SGCZ: variants seen among roughly 807,000 people sequenced by gnomAD.
SGCZ encodes the protein zeta-sarcoglycan.
A neutral mutation model predicts 41.3 loss-of-function variants in SGCZ; 40 were observed. The ratio of observed to expected loss-of-function variants is 0.97; its 90% CI spans 0.75 to 1.26. The LOEUF is 1.26. Ranked by LOEUF, SGCZ falls within the 50% of genes most tolerant of loss-of-function variation. The probability of loss-of-function intolerance (pLI) is 0.00; values close to 1 mark genes in which losing one functional copy is unlikely to be tolerated. For missense variants in SGCZ, 552 were observed against 369.8 expected, an observed-to-expected ratio of 1.49 and a Z score of -4.04; for synonymous variants, 206 against 137.5, an observed-to-expected ratio of 1.50 and a Z score of -3.49.
intron 1 of SGCZ, among the ~76,000 whole-genome samples, chr8:15,064,308 T>C (rs1409169658): frequency 1.3e-5 from 2 of 152,130 alleles, no homozygotes; most frequent in East Asian, 3.9e-4. Context: ...GCCATATCAC[T>C]ATGAATGACA....
At chr8:14,905,587 C>T (rs995380759) in intron 1 of SGCZ, among the ~76,000 whole-genome samples, 4 of 151,978 alleles carry the variant, frequency 2.6e-5, no homozygotes, top group Non-Finnish European at 4.4e-5. Flanking sequence ...AGAGAAAAAT[C>T]TCTGCCCACA....
intron 1 of SGCZ, among the ~76,000 whole-genome samples, chr8:14,804,631 T>G (rs200157206): frequency 6.9e-5 from 10 of 145,778 alleles, no homozygotes; most frequent in Non-Finnish European, 1.5e-4. Flanking sequence ...ATGCAGAGAA[T>G]GGAACCAAGT....
intron 1 of SGCZ, among the ~76,000 whole-genome samples, chr8:14,785,588 A>C (rs2130450612): frequency 6.6e-6 from 1 of 152,176 alleles, no homozygotes. Context: ...CCATGTCCTG[A>C]CCCCAGCATG....
chr8:14,363,589 C>T (rs113800833), intron 2 of SGCZ, among the ~76,000 whole-genome samples: 3,089 of 152,090 alleles, frequency 0.02, 88 homozygotes, highest in African/African-American at 0.057. Flanking sequence ...AATGGTCTGA[C>T]ACATTGGTGC....
intron 5 of SGCZ, among the ~76,000 whole-genome samples, chr8:14,148,275 AAAAGTT>A (rs1206047955): frequency 6.6e-6 from 1 of 152,068 alleles, no homozygotes; most frequent in African/African-American, 2.4e-5. Context: ...TGGCTTTTAA[AAAAGTT>A]AAAGAAATTG....
At chr8:15,165,381 A>G (rs1365458481) in intron 1 of SGCZ, among the ~76,000 whole-genome samples, 1 of 152,170 alleles carries the variant, frequency 6.6e-6, no homozygotes. Context: ...CTTAATAAAT[A>G]AAAACAGCCC....
Position 15,148,721 on chromosome 8 carries a change from C to T in SGCZ, c.39+88864G>A, listed in dbSNP as rs117049060. 7.0e-3 allele frequency among the ~76,000 whole-genome samples: 1,072 copies of T among 152,304 alleles called. 3 individuals are homozygous for T. Among genetic ancestry groups the T allele is most frequent in the Middle Eastern group, 0.02 (6 of 294 alleles). ...GTGACACTGATACGAGTTCTCCAAG[C>T]AAGCCTGGATGCTTGACTTATAACT... On this transcript the variant is annotated intron_variant, in intron 1 of 7. Coordinates refer to ENST00000382080, the MANE Select transcript of SGCZ (RefSeq NM_139167.4).
chr8:15,226,660 G>C (rs1801784969), intron 1 of SGCZ, among the ~76,000 whole-genome samples: 1 of 152,124 alleles, frequency 6.6e-6, no homozygotes, highest in Admixed American at 6.5e-5. Flanking sequence ...CTTTAAGAGA[G>C]AATACATAAA....
intron 3 of SGCZ, among the ~76,000 whole-genome samples, chr8:14,320,522 C>T (rs924898281): frequency 2.6e-5 from 4 of 151,912 alleles, no homozygotes; most frequent in East Asian, 1.9e-4. Flanking sequence ...AAGTTTGTTA[C>T]GTATGTATAC....
At chr8:14,952,167 A>G (rs1800661518) in intron 1 of SGCZ, among the ~76,000 whole-genome samples, 1 of 152,090 alleles carries the variant, frequency 6.6e-6, no homozygotes, top group Non-Finnish European at 1.5e-5. Context: ...TTTTTTCATA[A>G]ATCCGAGTTA....
chr8:14,573,189 CTTTTTTTT>C (rs35000758), intron 1 of SGCZ, among the ~76,000 whole-genome samples: 2 of 76,490 alleles, frequency 2.6e-5, no homozygotes, highest in African/African-American at 1.1e-4. Flanking sequence ...CTTAGCAAGT[CTTTTTTTT>C]TTTTTTTTTT....
chr8:14,799,168 A>G (rs566447218), intron 1 of SGCZ, among the ~76,000 whole-genome samples: 2 of 152,252 alleles, frequency 1.3e-5, no homozygotes, highest in South Asian at 4.1e-4. Flanking sequence ...TATAACAATA[A>G]GACACTTACT....
At chr8:14,437,061 A>G (rs1053079580) in intron 2 of SGCZ, among the ~76,000 whole-genome samples, 1 of 152,180 alleles carries the variant, frequency 6.6e-6, no homozygotes, top group African/African-American at 2.4e-5. Flanking sequence ...TTTTCAAATG[A>G]GACTTTTGGT....
Position 14,132,609 on chromosome 8 carries a change from C to G in SGCZ, c.548-24374G>C, listed in dbSNP as rs564976153. On this transcript the variant is annotated intron_variant, in intron 5 of 7. Coordinates refer to ENST00000382080, the MANE Select transcript of SGCZ (RefSeq NM_139167.4). ...AGTTTTTGTCCATGTTTTTCTTTAGCTACTTGAACATATTTTAAATCGCTA... is the reference window on the plus strand; with the variant it reads ...AGTTTTTGTCCATGTTTTTCTTTAGGTACTTGAACATATTTTAAATCGCTA... Among the ~76,000 whole-genome samples, 12 of 152,222 alleles carry G rather than the reference C, an allele frequency of 7.9e-5. 1 individual carries two copies. Among genetic ancestry groups the G allele is most frequent in the African/African-American group, 2.9e-4 (12 of 41,548 alleles).
At chr8:15,066,301 C>G (rs1277031824) in intron 1 of SGCZ, among the ~76,000 whole-genome samples, 1 of 128,980 alleles carries the variant, frequency 7.8e-6, no homozygotes, top group Non-Finnish European at 1.6e-5. Flanking sequence ...GGCGACAGAG[C>G]GAGACTCCGT....
At chr8:14,434,761 T>G (rs1800040744) in intron 2 of SGCZ, among the ~76,000 whole-genome samples, 2 of 152,190 alleles carry the variant, frequency 1.3e-5, no homozygotes, top group South Asian at 4.1e-4. Context: ...TTCTTGATTC[T>G]CAGCTTGGTC....
intron 2 of SGCZ, among the ~76,000 whole-genome samples, chr8:14,406,473 G>A (rs1238331698): frequency 1.3e-5 from 2 of 152,160 alleles, no homozygotes; most frequent in African/African-American, 4.8e-5. Context: ...TGGGGAGCCA[G>A]ATGCTTAAAT....
At chr8:14,214,421 T>C (rs919823525) in intron 4 of SGCZ, among the ~76,000 whole-genome samples, 2 of 152,162 alleles carry the variant, frequency 1.3e-5, no homozygotes, top group Non-Finnish European at 2.9e-5. Flanking sequence ...GAATATACTA[T>C]GATCTTAAGC....
intron 1 of SGCZ, among the ~76,000 whole-genome samples, chr8:14,726,216 T>C (rs1035127961): frequency 1.3e-5 from 2 of 148,914 alleles, no homozygotes; most frequent in African/African-American, 4.9e-5. Context: ...TGAGCAGAGA[T>C]TGTGCCACTG....
Sources: allele counts gnomAD v4.1 joint callset (sites outside exome capture counted in the v4.1 genomes callset), GRCh38; gene constraint gnomAD v4.1.1; transcripts MANE v1.5; gene names NCBI Gene and HGNC (gene_info 2026-07-23, HGNC 2026-07-21).